Variants in SENP7 observed in about 807,000 individuals in gnomAD.
SENP7 encodes the protein SUMO specific peptidase 7.
SENP7 carries 64 observed loss-of-function variants against 141.2 expected under a neutral mutation model. The observed-to-expected ratio is 0.45, with a 90% confidence interval of 0.37 to 0.56. The LOEUF (loss-of-function observed/expected upper bound fraction) is 0.56, where lower values mean the gene tolerates loss of function less well. SENP7 is among the 20% of genes least tolerant of loss of function. SENP7 has a pLI of 0.00. For synonymous variants in SENP7, 382 were observed against 426.4 expected, an observed-to-expected ratio of 0.90 and a Z score of 1.28; for missense variants, 1,025 against 1,212.2, an observed-to-expected ratio of 0.85 and a Z score of 2.29.
At chr3:101,390,550 A>T (rs2107541287) in intron 6 of SENP7, among the ~76,000 whole-genome samples, 1 of 152,334 alleles carries the variant, frequency 6.6e-6, no homozygotes, top group Admixed American at 6.5e-5. Context: ...AGCTAAGAGG[A>T]TATAATTCCA....
chr3:101,445,916 A>G lies in SENP7; in HGVS notation c.284+13039T>C, dbSNP rs143763916. 8.3e-4 allele frequency among the ~76,000 whole-genome samples: 127 copies of G among 152,294 alleles called. 1 individual carries two copies. Among genetic ancestry groups the G allele is most frequent in the East Asian group, 3.5e-3 (18 of 5,184 alleles). ...ACATATTATTAGAGTTAAAAAGAAA[A>G]CAGACCTCAATACAATAATAGTTTG... On this transcript the variant is annotated intron_variant, in intron 4 of 23. Coordinates refer to ENST00000394095, the MANE Select transcript of SENP7 (RefSeq NM_020654.5).
At chr3:101,411,153 A>G (rs2061447296) in intron 5 of SENP7, among the ~76,000 whole-genome samples, 1 of 152,190 alleles carries the variant, frequency 6.6e-6, no homozygotes, top group Non-Finnish European at 1.5e-5. Context: ...TCTCCCTTAC[A>G]AAGTTGTTAA....
chr3:101,417,247 T>C (rs1307690247), intron 5 of SENP7, among the ~76,000 whole-genome samples: 1 of 152,166 alleles, frequency 6.6e-6, no homozygotes, highest in Non-Finnish European at 1.5e-5. Flanking sequence ...CACACACATT[T>C]ATATGCATAT....
chr3:101,494,921 C>A (rs1035485214), intron 2 of SENP7, among the ~76,000 whole-genome samples: 9 of 151,974 alleles, frequency 5.9e-5, no homozygotes, highest in South Asian at 2.1e-4. Flanking sequence ...AAAGCAATTG[C>A]GATAAAAGCA....
intron 4 of SENP7, among the ~76,000 whole-genome samples, chr3:101,444,565 A>T (rs2062811532): frequency 6.6e-6 from 1 of 152,152 alleles, no homozygotes; most frequent in Non-Finnish European, 1.5e-5. Context: ...TGCAGCCATA[A>T]AAAATGATGC....
chr3:101,470,713 CCCTGTT>C (rs1207504200), intron 3 of SENP7, among the ~76,000 whole-genome samples: 2 of 152,116 alleles, frequency 1.3e-5, no homozygotes, highest in Non-Finnish European at 2.9e-5. Flanking sequence ...GTCAAATTGT[CCCTGTT>C]TGCAGATGAC....
rs2058849102 is a variant in SENP7, at chr3:101,324,267, C to A, written c.*1676G>T. 6.6e-6 allele frequency: 1 copy of A among 151,968 alleles called. No homozygotes were observed. Among genetic ancestry groups the A allele is most frequent in the African/African-American group, 2.4e-5 (1 of 41,400 alleles). The allele number at this position is 151,968 out of a possible 1,614,324, so 9.4% of individuals were successfully genotyped here. On this transcript the variant is annotated 3_prime_UTR_variant, in exon 24 of 24. Coordinates refer to ENST00000394095, the MANE Select transcript of SENP7 (RefSeq NM_020654.5). ...ATGTTTCTTAAGGAAAAAAATTACACCTCAATTTAATGAATTGGAAATATG... is the reference window on the plus strand; with the variant it reads ...ATGTTTCTTAAGGAAAAAAATTACAACTCAATTTAATGAATTGGAAATATG...
chr3:101,438,877 C>T (rs1299502258), intron 4 of SENP7, among the ~76,000 whole-genome samples: 13 of 151,498 alleles, frequency 8.6e-5, no homozygotes, highest in South Asian at 4.2e-4. Flanking sequence ...ACGGGCCCCG[C>T]GGGGCCCGAG....
chr3:101,333,936 A>T (rs1464178571), intron 17 of SENP7, among the ~76,000 whole-genome samples: 1 of 152,182 alleles, frequency 6.6e-6, no homozygotes, highest in East Asian at 1.9e-4. Flanking sequence ...TGGTTTCAAG[A>T]TGAAACTGTT....
At chr3:101,444,576 G>C (rs559916275) in intron 4 of SENP7, among the ~76,000 whole-genome samples, 1 of 151,972 alleles carries the variant, frequency 6.6e-6, no homozygotes. Flanking sequence ...AAAATGATGC[G>C]TTCATGTCCT....
At chr3:101,400,479 T>G (rs2061103549) in intron 5 of SENP7, among the ~76,000 whole-genome samples, 1 of 151,244 alleles carries the variant, frequency 6.6e-6, no homozygotes, top group Non-Finnish European at 1.5e-5. Flanking sequence ...CACATTTCGG[T>G]AACTCTCAAA....
At chr3:101,348,601 C>A (rs1313808046) in intron 12 of SENP7, among the ~76,000 whole-genome samples, 1 of 152,078 alleles carries the variant, frequency 6.6e-6, no homozygotes, top group Non-Finnish European at 1.5e-5. Flanking sequence ...TTCCGCTATA[C>A]AGATAAGCCA....
intron 9 of SENP7, 104 bp from the exon 10 acceptor site, chr3:101,365,095 C>A (rs1313697859): frequency 1.5e-6 from 1 of 649,562 alleles, no homozygotes; most frequent in South Asian, 3.9e-5. Context: ...CTCCACCTCC[C>A]GGGCTCAGGC....
At chr3:101,459,463 G>A (rs2063476665) in intron 3 of SENP7, among the ~76,000 whole-genome samples, 1 of 152,148 alleles carries the variant, frequency 6.6e-6, no homozygotes, top group South Asian at 2.1e-4. Context: ...GAAAATTTTA[G>A]GAAAGAGCCG....
At chr3:101,347,834 C>G (rs769534696) in intron 13 of SENP7, 38 bp downstream of exon 13, 87 of 1,059,270 alleles carry the variant, frequency 8.2e-5, no homozygotes, top group Non-Finnish European at 1.1e-4. Flanking sequence ...ATGACAATTT[C>G]AAGTTATCCT....
intron 2 of SENP7, among the ~76,000 whole-genome samples, chr3:101,498,272 T>C (rs2065237706): frequency 6.6e-6 from 1 of 152,148 alleles, no homozygotes; most frequent in Non-Finnish European, 1.5e-5. Flanking sequence ...CCCTAAGATA[T>C]TTATTAATTA....
chr3:101,489,487 T>C (rs1359718288), intron 3 of SENP7, among the ~76,000 whole-genome samples: 1 of 151,528 alleles, frequency 6.6e-6, no homozygotes, highest in East Asian at 1.9e-4. Flanking sequence ...AAACAGAAAA[T>C]AAAAAAGAGC....
Position 101,407,337 on chromosome 3 carries a change from AG to A in SENP7, c.483-8283del, listed in dbSNP as rs139480039. Among the ~76,000 whole-genome samples, 355 of 152,310 alleles carry A rather than the reference AG, an allele frequency of 2.3e-3. 3 individuals are homozygous for A. Among genetic ancestry groups the A allele is most frequent in the African/African-American group, 8.3e-3 (345 of 41,580 alleles). On this transcript the variant is annotated intron_variant, in intron 5 of 23. Coordinates refer to ENST00000394095, the MANE Select transcript of SENP7 (RefSeq NM_020654.5). Reference sequence around the variant, plus strand: ...AGATAGACAGCAACACAGTAATAGTAGGGGACTTCAATATTCCACTCACAGC... The same window carrying A: ...AGATAGACAGCAACACAGTAATAGTAGGGACTTCAATATTCCACTCACAGC...
intron 5 of SENP7, 114 bp from the exon 6 acceptor site, chr3:101,399,169 G>T: frequency 1.8e-6 from 1 of 568,910 alleles, no homozygotes; most frequent in Non-Finnish European, 2.8e-6. Flanking sequence ...AAAGCTGTTC[G>T]AACTACACCA....
Sources: gnomAD v4.1 joint callset for allele counts (sites outside exome capture counted in the v4.1 genomes callset) on GRCh38, gnomAD v4.1.1 for gene constraint, MANE v1.5 for transcripts, NCBI Gene and HGNC (gene_info 2026-07-23, HGNC 2026-07-21) for gene names.